Variants in EPHX1 observed in about 807,000 individuals in gnomAD.
EPHX1 encodes epoxide hydrolase 1.
In EPHX1, 40 loss-of-function variants were observed where a neutral mutation model predicts 43.2. The observed-to-expected ratio is 0.93, with a 90% confidence interval of 0.72 to 1.21. The LOEUF (loss-of-function observed/expected upper bound fraction) is 1.21. Ranked by LOEUF, EPHX1 falls within the 50% of genes most tolerant of loss-of-function variation. The pLI, the probability that EPHX1 is intolerant of heterozygous loss-of-function variation, is 0.00. For synonymous variants in EPHX1, 221 were observed against 226.7 expected, an observed-to-expected ratio of 0.98 and a Z score of 0.22; for missense variants, 550 against 570.4, an observed-to-expected ratio of 0.96 and a Z score of 0.36.
chr1:225,812,123 G>A (rs1285648561), intron 1 of EPHX1, among the ~76,000 whole-genome samples: 2 of 152,102 alleles, frequency 1.3e-5, no homozygotes, highest in Non-Finnish European at 2.9e-5. Context: ...AGCTTGAATG[G>A]CCTGATGTTT....
In EPHX1 at chr1:225,817,229, T is replaced by C. The variant is rs1666765910; in HGVS notation, c.-6+7060T>C. 6.6e-6 allele frequency among the ~76,000 whole-genome samples: 1 copy of C among 152,104 alleles called. No individual in the cohort carries two copies. Among genetic ancestry groups the C allele is most frequent in the Non-Finnish European group, 1.5e-5 (1 of 67,990 alleles). ...CAGGGACAATGGCTGAGGGAGAAGC[T>C]GGGAGTTCCCCCCAGGGTTTGCCTC... On this transcript the variant is annotated intron_variant, in intron 1 of 8. Transcript: ENST00000272167. The surrounding 1 kb of genome is among the most constrained non-coding windows in gnomAD (Gnocchi z 5.7).
intron 2 of EPHX1, among the ~76,000 whole-genome samples, chr1:225,829,277 C>T (rs1288506448): frequency 6.6e-6 from 1 of 152,140 alleles, no homozygotes; most frequent in African/African-American, 2.4e-5. Context: ...CGTCAGAGAC[C>T]CAGGAAGCAC....
At chr1:225,829,298 G>A (rs1255968401) in intron 2 of EPHX1, among the ~76,000 whole-genome samples, 2 of 152,198 alleles carry the variant, frequency 1.3e-5, no homozygotes, top group Non-Finnish European at 2.9e-5. Context: ...TGAGAAGGCA[G>A]GGATGCTACT....
At chr1:225,812,718 A>G (rs570072043) in intron 1 of EPHX1, among the ~76,000 whole-genome samples, 2 of 152,314 alleles carry the variant, frequency 1.3e-5, no homozygotes, top group East Asian at 3.9e-4. Flanking sequence ...CAAGAGGTTC[A>G]ACCACATGGA....
Position 225,831,859 on chromosome 1 carries a change from C to T in EPHX1, c.264C>T (p.Asn88=), listed in dbSNP as rs139835798. The T allele has an allele frequency of 5.5e-4, 886 of 1,614,084 alleles. 2 individuals carry two copies. Among genetic ancestry groups the T allele is most frequent in the Non-Finnish European group, 7.2e-4 (846 of 1,180,026 alleles). The change falls in exon 3 of 9, where the codon AAC becomes AAT. Residue 88 remains asparagine (N), a synonymous_variant. Transcript: ENST00000272167. ...DSCFHYGFNS[N]YLKKVISYWR... is the part of the protein sequence containing the mutation. ...GCTTCCACTATGGCTTCAACTCCAA[C>T]TACCTGAAGAAAGTCATCTCCTACT...
intron 5 of EPHX1, 68 bp downstream of exon 5, chr1:225,839,414 T>C (rs1266657458): frequency 1.3e-6 from 2 of 1,564,300 alleles, no homozygotes; most frequent in Non-Finnish European, 1.7e-6. Context: ...CTCTAAGAAG[T>C]GGACCTGTGT....
chr1:225,838,629 C>T (rs1234199939), intron 3 of EPHX1, 25 bp from the exon 4 acceptor site: 1 of 1,603,872 alleles, frequency 6.2e-7, no homozygotes, highest in East Asian at 2.2e-5. Flanking sequence ...TCTCCCTCCA[C>T]CCTGACTGTG....
At position 225,827,964 on chromosome 1, in the gene EPHX1, G is replaced by T. The variant is rs1576000844; in HGVS notation, c.-5-761G>T. Among the ~76,000 whole-genome samples the T allele has an allele frequency of 2.0e-5, 3 of 152,312 alleles. No homozygotes were observed. In the East Asian group the frequency reaches 5.8e-4, roughly 29 times the overall value. ...TCTCTCCAAGAAGGACAGAGCAGGG[G>T]CTGTGGGCCACCATTCAGGAAAGGT... On this transcript the variant is annotated intron_variant, in intron 1 of 8. Transcript: ENST00000272167.
intron 1 of EPHX1, among the ~76,000 whole-genome samples, chr1:225,828,047 T>G (rs1359422927): frequency 6.6e-6 from 1 of 152,088 alleles, no homozygotes; most frequent in Non-Finnish European, 1.5e-5. Context: ...TTCTCAGACA[T>G]GCAAAAAACA....
chr1:225,838,638 T>G lies in EPHX1; in HGVS notation c.365-16T>G, dbSNP rs754111950. ...CTTCTCTCTCCCTCCACCCTGACTG[T>G]GCTCTGTCCCCCCAGGGCTGGACAT... On this transcript the variant is annotated splice_polypyrimidine_tract_variant and intron_variant, in intron 3 of 8. Transcript: ENST00000272167. The G allele has an allele frequency of 8.6e-5, 138 of 1,608,682 alleles. No homozygotes were observed. Among genetic ancestry groups the G allele is most frequent in the Non-Finnish European group, 1.1e-4 (131 of 1,175,362 alleles).
rs183580136 is a variant in EPHX1, at chr1:225,821,397, T to C, written c.-5-7328T>C. Among the ~76,000 whole-genome samples, 272 of 150,230 alleles carry C rather than the reference T, an allele frequency of 1.8e-3. 2 individuals are homozygous for C. The highest frequency in any genetic ancestry group is 6.4e-3 in the African/African-American group (260 of 40,862). On this transcript the variant is annotated intron_variant, in intron 1 of 8. Transcript: ENST00000272167. ...AGTAGCTGGGACTACAAGTGCACAC[T>C]ACCACACCCAGCTAATTTTTGTGTT...
chr1:225,833,378 C>G (rs1385004648), intron 3 of EPHX1, among the ~76,000 whole-genome samples: 1 of 152,170 alleles, frequency 6.6e-6, no homozygotes, highest in Non-Finnish European at 1.5e-5. Flanking sequence ...GTGGCATGCA[C>G]CTGTAGTCCC....
rs3738047 is a variant in EPHX1, at chr1:225,828,932, G to A, written c.183+20G>A. The A allele has an allele frequency of 0.092, 143,025 of 1,555,594 alleles. 8,147 individuals carry two copies. The highest frequency in any genetic ancestry group is 0.25 in the East Asian group (10,205 of 41,400). On this transcript the variant is annotated intron_variant, in intron 2 of 8. Transcript: ENST00000272167. ...ATCCACGTAAGGCACCTTGGGCCGG[G>A]CCGGGCTGGGCAGTGGAGAGGGTGG... is the stretch of plus-strand genomic sequence containing the variant.
chr1:225,833,942 CA>C (rs1379440497), intron 3 of EPHX1, among the ~76,000 whole-genome samples: 6 of 148,362 alleles, frequency 4.0e-5, no homozygotes, highest in East Asian at 2.0e-4. Context: ...ACTAAAAATA[CA>C]AAAAATTAGC....
chr1:225,844,404 G>T, intron 7 of EPHX1, 94 bp from the exon 8 acceptor site: 1 of 1,600,592 alleles, frequency 6.2e-7, no homozygotes. Context: ...AAGCCGCATG[G>T]GCAGGGCCTG....
chr1:225,842,274 C>T, intron 6 of EPHX1, 92 bp from the exon 7 acceptor site: 1 of 969,340 alleles, frequency 1.0e-6, no homozygotes, highest in Admixed American at 1.8e-5. Flanking sequence ...CACAGCCCCG[C>T]CCTCTGCGGC....
intron 3 of EPHX1, 153 bp downstream of exon 3, chr1:225,832,112 A>G: frequency 3.7e-6 from 3 of 803,714 alleles, no homozygotes; most frequent in South Asian, 3.0e-5. Flanking sequence ...TACTAAATGC[A>G]AAAATATTGC....
chr1:225,835,567 T>G (rs1667913695), intron 3 of EPHX1, among the ~76,000 whole-genome samples: 1 of 151,826 alleles, frequency 6.6e-6, no homozygotes, highest in African/African-American at 2.4e-5. Context: ...TTTTTTGTAT[T>G]TTTAGTAGAG....
At chr1:225,833,530 G>T (rs45562233) in intron 3 of EPHX1, among the ~76,000 whole-genome samples, 7 of 151,902 alleles carry the variant, frequency 4.6e-5, no homozygotes, top group African/African-American at 1.4e-4. Context: ...GCACGGTGGC[G>T]CACGCCTGTA....
Sources: allele counts gnomAD v4.1 joint callset (sites outside exome capture counted in the v4.1 genomes callset), GRCh38; gene constraint gnomAD v4.1.1; non-coding constraint Gnocchi (gnomAD v3.1); transcripts MANE v1.5; gene names NCBI Gene and HGNC (gene_info 2026-07-23, HGNC 2026-07-21).